Variants in STXBP5L observed in about 807,000 individuals in gnomAD.
STXBP5L encodes the protein syntaxin binding protein 5L.
In STXBP5L, 65 loss-of-function variants were observed where a neutral mutation model predicts 144.5. The observed-to-expected ratio is 0.45, with a 90% CI of 0.37 to 0.55. STXBP5L has a LOEUF of 0.55. Among genes scored for constraint, STXBP5L ranks in the 20% least tolerant of loss-of-function variants. The pLI, the probability that STXBP5L is intolerant of heterozygous loss-of-function variation, is 0.00. For synonymous variants in STXBP5L, 505 were observed against 469.6 expected (o/e 1.08, Z -0.97); for missense variants, 1,298 against 1,405.5 (o/e 0.92, Z 1.22).
chr3:121,345,227 T>G (rs2044908795), intron 20 of STXBP5L, among the ~76,000 whole-genome samples: 1 of 152,056 alleles, frequency 6.6e-6, no homozygotes, highest in Non-Finnish European at 1.5e-5. Flanking sequence ...ATCTCATTGT[T>G]CAGTTCCCAC....
intron 8 of STXBP5L, among the ~76,000 whole-genome samples, chr3:121,156,733 A>T (rs1310359771): frequency 6.6e-6 from 1 of 151,864 alleles, no homozygotes; most frequent in Non-Finnish European, 1.5e-5. Flanking sequence ...ATAATTTTAA[A>T]ACAATATAAT....
At chr3:121,157,819 C>A in intron 9 of STXBP5L, 192 bp downstream of exon 9, 3 of 658,036 alleles carry the variant, frequency 4.6e-6, no homozygotes, top group Non-Finnish European at 7.0e-6. Context: ...TTCTTCCTAC[C>A]AACCCACATC....
chr3:121,205,079 A>G (rs1363438296), intron 9 of STXBP5L, among the ~76,000 whole-genome samples: 1 of 152,224 alleles, frequency 6.6e-6, no homozygotes, highest in African/African-American at 2.4e-5. Flanking sequence ...TTTAAATAGC[A>G]AGTATTTCTC....
intron 20 of STXBP5L, among the ~76,000 whole-genome samples, chr3:121,370,078 G>C (rs2045985260): frequency 6.6e-6 from 1 of 152,074 alleles, no homozygotes; most frequent in Admixed American, 6.6e-5. Context: ...TTTAAAAGTG[G>C]GTAGTGGCTA....
At chr3:121,309,280 T>C (rs2043446992) in intron 19 of STXBP5L, among the ~76,000 whole-genome samples, 1 of 151,996 alleles carries the variant, frequency 6.6e-6, no homozygotes, top group Non-Finnish European at 1.5e-5. Context: ...TTTAAAGGTG[T>C]AAATAGGTTG....
chr3:121,254,223 T>C (rs1424696701), intron 15 of STXBP5L, among the ~76,000 whole-genome samples: 1 of 152,180 alleles, frequency 6.6e-6, no homozygotes, highest in African/African-American at 2.4e-5. Flanking sequence ...ATAGTTCTTT[T>C]ATAGAGTTAT....
At chr3:121,397,119 A>G (rs2046750348) in intron 22 of STXBP5L, among the ~76,000 whole-genome samples, 1 of 152,264 alleles carries the variant, frequency 6.6e-6, no homozygotes, top group African/African-American at 2.4e-5. Flanking sequence ...CTGTGAAACA[A>G]TGAAAATACT....
At chr3:121,302,510 A>AT (rs780849459) in intron 19 of STXBP5L, among the ~76,000 whole-genome samples, 17 of 152,146 alleles carry the variant, frequency 1.1e-4, no homozygotes, top group African/African-American at 3.9e-4. Context: ...GGATTCACTG[A>AT]TTTTTTGAAG....
intron 2 of STXBP5L, among the ~76,000 whole-genome samples, chr3:120,920,610 T>A (rs1176510193): frequency 2.6e-5 from 4 of 151,812 alleles, no homozygotes; most frequent in South Asian, 4.1e-4. Flanking sequence ...TGATTCAAAA[T>A]ATATATATTT....
chr3:121,093,235 T>C (rs9758982), intron 5 of STXBP5L, among the ~76,000 whole-genome samples: 1 of 152,086 alleles, frequency 6.6e-6, no homozygotes, highest in African/African-American at 2.4e-5. Context: ...AAAATTCTCT[T>C]TTTTGGTTTT....
intron 5 of STXBP5L, among the ~76,000 whole-genome samples, chr3:121,047,903 C>G (rs1056644302): frequency 3.3e-5 from 5 of 151,996 alleles, no homozygotes; most frequent in African/African-American, 1.2e-4. Context: ...TTCTAGCTGG[C>G]TATTGTGCAT....
chr3:121,099,159 C>T (rs886661093), intron 5 of STXBP5L: 16 of 152,126 alleles, frequency 1.1e-4, no homozygotes, highest in Non-Finnish European at 1.9e-4. Context: ...ACCAATCTGC[C>T]TTTATGAGAA....
At chr3:120,921,003 G>A (rs996078208) in intron 2 of STXBP5L, among the ~76,000 whole-genome samples, 1 of 151,614 alleles carries the variant, frequency 6.6e-6, no homozygotes, top group East Asian at 1.9e-4. Flanking sequence ...AACATATACC[G>A]AGTAGTGCAA....
intron 25 of STXBP5L, among the ~76,000 whole-genome samples, chr3:121,417,461 TTAAAAATAAAAA>T (rs978558730): frequency 1.3e-5 from 2 of 152,102 alleles, no homozygotes; most frequent in African/African-American, 2.4e-5. Flanking sequence ...TTTTTTTTCC[TTAAAAATAAAAA>T]TAAAAATAAA....
At chr3:121,149,616 T>A (rs1459754381) in intron 7 of STXBP5L, among the ~76,000 whole-genome samples, 1 of 151,896 alleles carries the variant, frequency 6.6e-6, no homozygotes, top group Admixed American at 6.6e-5. Context: ...AACAAAATAA[T>A]TTAGAAAGGT....
At chr3:120,978,322 T>G (rs1188951356) in intron 3 of STXBP5L, among the ~76,000 whole-genome samples, 1 of 152,246 alleles carries the variant, frequency 6.6e-6, no homozygotes, top group Admixed American at 6.5e-5. Flanking sequence ...TACCCTTTCT[T>G]CCAGTTGTTC....
chr3:121,007,291 G>T (rs953843109), intron 3 of STXBP5L, among the ~76,000 whole-genome samples: 5 of 151,818 alleles, frequency 3.3e-5, no homozygotes, highest in Non-Finnish European at 5.9e-5. Flanking sequence ...GATCACTGAG[G>T]ATTTTGTTGA....
chr3:120,985,095 A>C (rs577662049), intron 3 of STXBP5L, among the ~76,000 whole-genome samples: 2 of 152,032 alleles, frequency 1.3e-5, no homozygotes, highest in Admixed American at 6.6e-5. Flanking sequence ...GCCAGTGTTC[A>C]TAAGGGATAT....
intron 19 of STXBP5L, among the ~76,000 whole-genome samples, chr3:121,317,260 A>C (rs1050608234): frequency 6.6e-6 from 1 of 152,230 alleles, no homozygotes; most frequent in Admixed American, 6.5e-5. Flanking sequence ...TTTGGTATTC[A>C]GTGCTCTATA....
Sources: allele counts gnomAD v4.1 joint callset (sites outside exome capture counted in the v4.1 genomes callset), GRCh38; gene constraint gnomAD v4.1.1; transcripts MANE v1.5; gene names NCBI Gene and HGNC (gene_info 2026-07-23, HGNC 2026-07-21).